The following ANO10 variants were observed in gnomAD, a reference collection of about 807,000 sequenced individuals.
ANO10 encodes anoctamin-10.
A neutral mutation model predicts 74.7 loss-of-function variants in ANO10; 77 were observed. The observed-to-expected ratio is 1.03, with a 90% CI of 0.86 to 1.25. ANO10 has a LOEUF of 1.25. Ranked by LOEUF, ANO10 falls within the 50% of genes most tolerant of loss-of-function variation. ANO10 has a pLI of 0.00. For synonymous variants in ANO10, 279 were observed against 284.9 expected (o/e 0.98, Z 0.21); for missense variants, 721 against 778.1 (o/e 0.93, Z 0.87).
chr3:43,415,794 G>A (rs1283385520), intron 12 of ANO10, among the ~76,000 whole-genome samples: 6 of 152,036 alleles, frequency 3.9e-5, no homozygotes, highest in Non-Finnish European at 7.4e-5. Context: ...CACCCGCCTC[G>A]GCCTCCCAAA....
At position 43,580,478 on chromosome 3, in the gene ANO10, C is replaced by A; in HGVS notation, c.473-6G>T. ...AGACGTGAGCAATCTTCTCACTGCA[C>A]AGGGAAAATGTGCCAAACTGCATGA... On this transcript the variant is annotated splice_region_variant and splice_polypyrimidine_tract_variant and intron_variant, in intron 4 of 12. Transcript: ENST00000292246. 1 of 1,613,180 alleles carries A rather than the reference C, an allele frequency of 6.2e-7. No homozygotes were observed. Among genetic ancestry groups the A allele is most frequent in the Non-Finnish European group, 8.5e-7 (1 of 1,179,822 alleles).
chr3:43,436,855 G>C (rs2093075672), intron 11 of ANO10, among the ~76,000 whole-genome samples: 1 of 152,142 alleles, frequency 6.6e-6, no homozygotes, highest in Non-Finnish European at 1.5e-5. Context: ...CCCCAACCCT[G>C]TCTCTAATGA....
chr3:43,680,498 A>G (rs2149581669), intron 1 of ANO10, among the ~76,000 whole-genome samples: 1 of 152,372 alleles, frequency 6.6e-6, no homozygotes, highest in East Asian at 1.9e-4. Context: ...ACCAAGTTGG[A>G]AAACACTCGG....
At chr3:43,672,614 A>G (rs2084073325) in intron 1 of ANO10, among the ~76,000 whole-genome samples, 1 of 152,176 alleles carries the variant, frequency 6.6e-6, no homozygotes, top group Non-Finnish European at 1.5e-5. Context: ...TTAGTCTAAT[A>G]AACAGGTCTC....
intron 12 of ANO10, among the ~76,000 whole-genome samples, chr3:43,414,998 A>T (rs1177344462): frequency 2.6e-5 from 3 of 116,744 alleles, no homozygotes; most frequent in African/African-American, 1.0e-4. Context: ...TTTTTGAGAC[A>T]GGGTCTTACT....
intron 1 of ANO10, among the ~76,000 whole-genome samples, chr3:43,683,314 G>A (rs948212884): frequency 6.6e-6 from 1 of 152,122 alleles, no homozygotes; most frequent in Non-Finnish European, 1.5e-5. Flanking sequence ...CAAATCATGA[G>A]TGAATTACCA....
At chr3:43,674,330 C>T (rs760608819) in intron 1 of ANO10, among the ~76,000 whole-genome samples, 10 of 151,970 alleles carry the variant, frequency 6.6e-5, no homozygotes, top group Non-Finnish European at 1.0e-4. Flanking sequence ...TTTATTTTTT[C>T]GTAGAGATGA....
At chr3:43,592,518 A>G (rs1329055889) in intron 4 of ANO10, among the ~76,000 whole-genome samples, 1 of 152,252 alleles carries the variant, frequency 6.6e-6, no homozygotes, top group Non-Finnish European at 1.5e-5. Flanking sequence ...AAACTCCAGC[A>G]GACCTGCAGC....
chr3:43,632,069 T>C (rs2083553958), intron 1 of ANO10, among the ~76,000 whole-genome samples: 1 of 142,352 alleles, frequency 7.0e-6, no homozygotes, highest in East Asian at 2.0e-4. Context: ...TGAGACTCTG[T>C]CTCAAAAAAA....
At chr3:43,607,527 A>G (rs2082621129) in intron 1 of ANO10, among the ~76,000 whole-genome samples, 1 of 152,184 alleles carries the variant, frequency 6.6e-6, no homozygotes, top group African/African-American at 2.4e-5. Flanking sequence ...CCACCAAGGA[A>G]GACAGTCAGA....
intron 1 of ANO10, among the ~76,000 whole-genome samples, chr3:43,647,217 T>C (rs2083736978): frequency 6.6e-6 from 1 of 150,878 alleles, no homozygotes; most frequent in Non-Finnish European, 1.5e-5. Flanking sequence ...GATAAATAGA[T>C]AGATAAGAGA....
chr3:43,376,772 G>A (rs753158586), intron 12 of ANO10, among the ~76,000 whole-genome samples: 16 of 152,298 alleles, frequency 1.1e-4, no homozygotes, highest in Middle Eastern at 3.4e-3. Context: ...AAATGACTTT[G>A]GCATGGCTCC....
At chr3:43,640,695 A>T (rs1454914533) in intron 1 of ANO10, among the ~76,000 whole-genome samples, 1 of 152,226 alleles carries the variant, frequency 6.6e-6, no homozygotes, top group East Asian at 1.9e-4. Flanking sequence ...CCATTGCCAC[A>T]TTACAGTGAT....
intron 11 of ANO10, among the ~76,000 whole-genome samples, chr3:43,437,305 G>C (rs1445662893): frequency 6.6e-6 from 1 of 152,148 alleles, no homozygotes; most frequent in Non-Finnish European, 1.5e-5. Flanking sequence ...CCTCAAAGAA[G>C]GCCCAATGTC....
chr3:43,502,447 T>C (rs2077133768), intron 11 of ANO10, among the ~76,000 whole-genome samples: 1 of 152,040 alleles, frequency 6.6e-6, no homozygotes, highest in South Asian at 2.1e-4. Flanking sequence ...CCTCCCCGCT[T>C]CTCCTGCTTC....
intron 11 of ANO10, among the ~76,000 whole-genome samples, chr3:43,449,723 T>G (rs908457016): frequency 7.7e-5 from 11 of 143,396 alleles, no homozygotes; most frequent in African/African-American, 2.7e-4. Context: ...AGTTGGTTAG[T>G]GCCAGTCCTC....
chr3:43,635,672 T>C (rs894869482), intron 1 of ANO10, among the ~76,000 whole-genome samples: 1 of 150,812 alleles, frequency 6.6e-6, no homozygotes, highest in African/African-American at 2.4e-5. Flanking sequence ...CAGACTGGAG[T>C]GCAGTGGTGA....
chr3:43,544,961 T>C (rs1424392855), intron 11 of ANO10, among the ~76,000 whole-genome samples: 1 of 152,202 alleles, frequency 6.6e-6, no homozygotes, highest in Admixed American at 6.5e-5. Context: ...TTACATTTTC[T>C]AAGTCGTGTT....
chr3:43,602,518 T>C (rs2082381046), intron 2 of ANO10, among the ~76,000 whole-genome samples: 1 of 152,072 alleles, frequency 6.6e-6, no homozygotes, highest in African/African-American at 2.4e-5. Flanking sequence ...ATATTTTTAG[T>C]AGAGATGGGG....
Sources: allele counts gnomAD v4.1 joint callset (sites outside exome capture counted in the v4.1 genomes callset), GRCh38; gene constraint gnomAD v4.1.1; transcripts MANE v1.5; gene names NCBI Gene and HGNC (gene_info 2026-07-23, HGNC 2026-07-21).